The following FGF14 variants were observed in gnomAD, a reference collection of about 807,000 sequenced individuals.
FGF14 encodes fibroblast growth factor 14.
In FGF14, 5 loss-of-function variants were observed where a neutral mutation model predicts 25.5. The ratio of observed to expected loss-of-function variants is 0.20; its 90% CI spans 0.10 to 0.41. FGF14 has a LOEUF of 0.41. FGF14 is among the 10% of genes least tolerant of loss of function. The pLI is 1.00. For synonymous variants in FGF14, 138 were observed against 118.3 expected (o/e 1.17, Z -1.08); for missense variants, 222 against 320.1 (o/e 0.69, Z 2.34).
Position 101,714,967 on chromosome 13 carries a change from G to C in FGF14, c.*7864C>G, listed in dbSNP as rs1040891493. Reference sequence around the variant, plus strand: ...GTTGCTTTTAGGGAACTGGATGTGTGTATGGGGGAGAGGTATAAAGAGGGC... The same window carrying C: ...GTTGCTTTTAGGGAACTGGATGTGTCTATGGGGGAGAGGTATAAAGAGGGC... On this transcript the variant is annotated 3_prime_UTR_variant, in exon 5 of 5. Coordinates refer to ENST00000376143, the MANE Select transcript of FGF14 (RefSeq NM_004115.4). The C allele has an allele frequency of 4.2e-5, 8 of 190,774 alleles. No individual in the cohort carries two copies. The highest frequency in any genetic ancestry group is 1.9e-4 in the African/African-American group (8 of 42,262). 11.8% of individuals were successfully genotyped at this position (190,774 alleles called of 1,614,324 possible).
chr13:102,173,836 T>C (rs1594276217), intron 1 of FGF14, among the ~76,000 whole-genome samples: 1 of 151,922 alleles, frequency 6.6e-6, no homozygotes, highest in Non-Finnish European at 1.5e-5. Context: ...TAGGGGGGTA[T>C]GGGAAGTTGT....
intron 1 of FGF14, among the ~76,000 whole-genome samples, chr13:102,333,180 A>G (rs1273743230): frequency 6.6e-6 from 1 of 152,180 alleles, no homozygotes; most frequent in Admixed American, 6.6e-5. Flanking sequence ...CCTCTTGATT[A>G]TATATATGTA....
intron 4 of FGF14, among the ~76,000 whole-genome samples, chr13:101,726,272 G>T (rs79846685): frequency 0.022 from 3,335 of 151,176 alleles, 131 homozygotes; most frequent in African/African-American, 0.076. Flanking sequence ...ACTTATCATC[G>T]CAGATTTGTA....
chr13:102,065,509 A>G (rs1231961076), intron 1 of FGF14, among the ~76,000 whole-genome samples: 1 of 152,148 alleles, frequency 6.6e-6, no homozygotes, highest in East Asian at 1.9e-4. Flanking sequence ...AAGATAACAG[A>G]AAATAACATG....
intron 3 of FGF14, among the ~76,000 whole-genome samples, chr13:101,858,629 A>G (rs545896318): frequency 1.3e-5 from 2 of 152,228 alleles, no homozygotes; most frequent in African/African-American, 4.8e-5. Flanking sequence ...AATTTGAAAC[A>G]TTTTGATCAA....
At chr13:101,974,277 A>G (rs1353750263) in intron 1 of FGF14, among the ~76,000 whole-genome samples, 1 of 152,152 alleles carries the variant, frequency 6.6e-6, no homozygotes, top group East Asian at 1.9e-4. Flanking sequence ...GCTTCATAGC[A>G]TTTTCTTCAT....
chr13:102,372,090 T>A (rs2057902234), intron 1 of FGF14, among the ~76,000 whole-genome samples: 1 of 152,210 alleles, frequency 6.6e-6, no homozygotes, highest in South Asian at 2.1e-4. Flanking sequence ...ATATTTGTAG[T>A]ATTTTAACCA....
In FGF14 at chr13:101,726,742, G is replaced by T; in HGVS notation, c.477C>A (p.Ser159=). Residue 159 remains serine, a synonymous_variant, in exon 4 of 5, where the codon TCC becomes TCA. Coordinates refer to ENST00000376143, the MANE Select transcript of FGF14 (RefSeq NM_004115.4). ...CAGATTCCTGTTGTCTGTACAACAT[G>T]GATGAGTAGATTACATAATAATTTT... The part of the protein sequence containing the change: ...VFENYYVIYS[S]MLYRQQESGR... 1.2e-6 allele frequency: 2 copies of T among 1,612,876 alleles called. No individual in the cohort carries two copies. The highest frequency in any genetic ancestry group is 1.7e-6 in the Non-Finnish European group (2 of 1,179,222).
chr13:102,328,673 C>T (rs1057368396), intron 1 of FGF14, among the ~76,000 whole-genome samples: 3 of 152,134 alleles, frequency 2.0e-5, no homozygotes, highest in African/African-American at 7.2e-5. Context: ...GGAGCAATAA[C>T]GTAGAGTGGT....
At position 102,063,554 on chromosome 13, in the gene FGF14, T is replaced by A. The variant is rs143339835; in HGVS notation, c.209-188258A>T. ...TTGCTTGAACCTGGGAGGCAGAGGT[T>A]GCAGTGAGCCAAGATCACGCCATTG... On this transcript the variant is annotated intron_variant, in intron 1 of 4. Transcript: ENST00000376131. 4.6e-3 allele frequency among the ~76,000 whole-genome samples: 695 copies of A among 151,636 alleles called. 7 individuals are homozygous for A. The highest frequency in any genetic ancestry group is 0.015 in the African/African-American group (632 of 41,280).
intron 1 of FGF14, among the ~76,000 whole-genome samples, chr13:102,027,140 GT>G (rs1228517423): frequency 6.6e-5 from 10 of 151,856 alleles, no homozygotes; most frequent in African/African-American, 2.4e-4. Flanking sequence ...AAACTTTCTA[GT>G]AAGAGTAATT....
At chr13:101,927,621 T>C (rs941257895) in intron 1 of FGF14, among the ~76,000 whole-genome samples, 5 of 152,198 alleles carry the variant, frequency 3.3e-5, no homozygotes, top group Non-Finnish European at 7.3e-5. Context: ...ATACTCTAAT[T>C]CCCAGCTCTT....
At chr13:102,086,546 T>C (rs2140224080) in intron 1 of FGF14, among the ~76,000 whole-genome samples, 1 of 152,210 alleles carries the variant, frequency 6.6e-6, no homozygotes, top group South Asian at 2.1e-4. Context: ...AAAGAAGTGC[T>C]TCCGACCTTA....
intron 1 of FGF14, among the ~76,000 whole-genome samples, chr13:102,127,368 T>C (rs2045992304): frequency 6.6e-6 from 1 of 152,154 alleles, no homozygotes; most frequent in South Asian, 2.1e-4. Context: ...CCTCTTTCTG[T>C]ATGAGGTATA....
At chr13:101,726,277 T>C (rs2035429305) in intron 4 of FGF14, among the ~76,000 whole-genome samples, 1 of 152,124 alleles carries the variant, frequency 6.6e-6, no homozygotes, top group African/African-American at 2.4e-5. Context: ...TCATCGCAGA[T>C]TTGTATCATT....
chr13:102,324,283 T>C (rs967770633), intron 1 of FGF14, among the ~76,000 whole-genome samples: 1 of 152,170 alleles, frequency 6.6e-6, no homozygotes, highest in East Asian at 1.9e-4. Context: ...TGTGTTGTGA[T>C]GAAGAGCTTG....
chr13:102,257,737 G>A (rs1341785380), intron 1 of FGF14, among the ~76,000 whole-genome samples: 1 of 152,034 alleles, frequency 6.6e-6, no homozygotes, highest in Non-Finnish European at 1.5e-5. Context: ...CTGCCACTAA[G>A]CCACAAGGAA....
chr13:102,396,305 CTG>C (rs1315399213), intron 1 of FGF14, among the ~76,000 whole-genome samples: 1 of 152,158 alleles, frequency 6.6e-6, no homozygotes, highest in East Asian at 1.9e-4. Context: ...TTGTTTAACA[CTG>C]AAGAGAAGAG....
chr13:101,855,850 T>C (rs1445924537), intron 3 of FGF14, among the ~76,000 whole-genome samples: 1 of 151,676 alleles, frequency 6.6e-6, no homozygotes, highest in Non-Finnish European at 1.5e-5. Context: ...TGTTATTGCA[T>C]GGATGATGCA....
Sources: allele counts gnomAD v4.1 joint callset (sites outside exome capture counted in the v4.1 genomes callset), GRCh38; gene constraint gnomAD v4.1.1; transcripts MANE v1.5; gene names NCBI Gene and HGNC (gene_info 2026-07-23, HGNC 2026-07-21).